The following ITPRID1 variants were observed in gnomAD, a reference collection of about 807,000 sequenced individuals.
The protein encoded by ITPRID1 is ITPR interacting domain containing 1.
Under a neutral mutation model 95.4 loss-of-function variants are expected in ITPRID1, and 96 were observed. The ratio of observed to expected loss-of-function variants is 1.01; its 90% CI spans 0.85 to 1.19. The LOEUF is 1.19. Among genes scored for constraint, ITPRID1 ranks in the 50% most tolerant of loss-of-function variants. The pLI, the probability that ITPRID1 is intolerant of heterozygous loss-of-function variation, is 0.00. For missense variants in ITPRID1, 1,339 were observed against 1,252.9 expected, an observed-to-expected ratio of 1.07 and a Z score of -1.04; for synonymous variants, 510 against 453.6, an observed-to-expected ratio of 1.12 and a Z score of -1.58.
At chr7:31,658,329 T>C, downstream of ITPRID1, 1 of 1,523,328 alleles carries the variant, frequency 6.6e-7, no homozygotes, top group Non-Finnish European at 8.8e-7. Context: ...CAAATAACTC[T>C]GCTAAAGATG....
At position 31,519,620 on chromosome 7, in the gene ITPRID1, C is replaced by CTATATATATATATATATATATATATA. The variant is rs750544823; in HGVS notation, c.-98+5501_-98+5526dup. Among the ~76,000 whole-genome samples, 21 of 25,244 alleles carry CTATATATATATATATATATATATATA rather than the reference C, an allele frequency of 8.3e-4. 1 individual carries two copies. Among genetic ancestry groups the CTATATATATATATATATATATATATA allele is most frequent in the Admixed American group, 1.2e-3 (2 of 1,700 alleles). The allele number at this position is 25,244 out of a possible 152,430, so 16.6% of individuals were successfully genotyped here. ...TCTCTCTCTCTCTCTCTCTCTCTCT[C>CTATATATATATATATATATATATATA]TATATATATATATATATATATATAT... is the stretch of plus-strand genomic sequence containing the variant. On this transcript the variant is annotated intron_variant, in intron 1 of 14. Transcript: ENST00000615280.
chr7:31,574,502 C>T lies in ITPRID1; in HGVS notation c.396-38C>T, dbSNP rs1583517565. 1.9e-6 allele frequency: 3 copies of T among 1,583,928 alleles called. No homozygotes were observed. The East Asian group carries it at 6.7e-5, about 36-fold the overall frequency. ...CCAGAAAAAAATGGTGTTGGGTTAA[C>T]TGTTTCTGGATAAAGATATTCATAT... On this transcript the variant is annotated intron_variant, in intron 7 of 14. Transcript: ENST00000615280.
chr7:31,577,772 A>C, intron 8 of ITPRID1, 91 bp from the exon 9 acceptor site: 1 of 1,079,032 alleles, frequency 9.3e-7, no homozygotes, highest in African/African-American at 1.6e-5. Flanking sequence ...TGAAAATTTC[A>C]TGTTAACGGA....
chr7:31,637,357 T>C (rs1464286867), intron 10 of ITPRID1, among the ~76,000 whole-genome samples: 1 of 152,124 alleles, frequency 6.6e-6, no homozygotes, highest in African/African-American at 2.4e-5. Context: ...CCACCAACAG[T>C]GTAAAAGTGT....
At chr7:31,553,654 T>G (rs1037504957) in intron 3 of ITPRID1, among the ~76,000 whole-genome samples, 2 of 152,226 alleles carry the variant, frequency 1.3e-5, no homozygotes, top group African/African-American at 4.8e-5. Flanking sequence ...TTTTTCTTCT[T>G]TGCCCATTGC....
chr7:31,603,941 T>TA (rs1437715370), intron 10 of ITPRID1, among the ~76,000 whole-genome samples: 2 of 152,246 alleles, frequency 1.3e-5, no homozygotes, highest in Admixed American at 6.5e-5. Flanking sequence ...TCCCTAGACA[T>TA]ACTCCTCCTT....
At chr7:31,599,060 G>A (rs1432341054) in intron 10 of ITPRID1, among the ~76,000 whole-genome samples, 1 of 152,128 alleles carries the variant, frequency 6.6e-6, no homozygotes, top group African/African-American at 2.4e-5. Flanking sequence ...TCAGCTTTTA[G>A]TATATATCCT....
At chr7:31,561,320 G>A (rs1784616229) in intron 5 of ITPRID1, among the ~76,000 whole-genome samples, 1 of 152,164 alleles carries the variant, frequency 6.6e-6, no homozygotes, top group Non-Finnish European at 1.5e-5. Context: ...CAGGTGTGAT[G>A]GGAATGATTG....
rs1791195588 is a variant in ITPRID1, at chr7:31,654,459, A to G, written c.*1630A>G. On this transcript the variant is annotated 3_prime_UTR_variant, in exon 15 of 15. Coordinates refer to ENST00000615280, the MANE Select transcript of ITPRID1 (RefSeq NM_001257967.3). ...TGGAAAGCCACTGTGGGTTTTAAGC[A>G]GGGTCGTCATATAATCTGATTTACG... Among the ~76,000 whole-genome samples, 1 of 152,138 alleles carries G rather than the reference A, an allele frequency of 6.6e-6. No individual in the cohort carries two copies. The highest frequency in any genetic ancestry group is 1.5e-5 in the Non-Finnish European group (1 of 68,020).
chr7:31,570,108 T>C (rs1285758385), intron 6 of ITPRID1, among the ~76,000 whole-genome samples: 1 of 152,226 alleles, frequency 6.6e-6, no homozygotes, highest in East Asian at 1.9e-4. Flanking sequence ...TAAGGACCTG[T>C]TTATAAAACA....
In ITPRID1 at chr7:31,652,777, C is replaced by A. The variant is rs142016406; in HGVS notation, c.3083C>A (p.Thr1028Asn). Residue 1028 changes from threonine to asparagine, a missense_variant, in exon 15 of 15, where the codon ACC becomes AAC. Thr to Asn is a moderately conservative substitution (Grantham distance 65). Coordinates refer to ENST00000615280, the MANE Select transcript of ITPRID1 (RefSeq NM_001257967.3). ...SSSAWAKLGP[T>N]PLSNCPVGEK... ...TCAGCTTGGGCAAAGTTAGGTCCAA[C>A]CCCTTTGTCAAATTGTCCTGTTGGA... 46 of 1,613,874 alleles carry A rather than the reference C, an allele frequency of 2.9e-5. No individual in the cohort carries two copies. In the African/African-American group the frequency reaches 5.7e-4, roughly 20 times the overall value.
chr7:31,549,315 C>A, intron 1 of ITPRID1, 111 bp from the exon 2 acceptor site: 2 of 654,028 alleles, frequency 3.1e-6, no homozygotes, highest in Non-Finnish European at 4.6e-6. Context: ...CTCAATCATC[C>A]AAACTAAGTA....
rs1784335575 is a variant in ITPRID1 at position 31,553,084 on chromosome 7, G to A, written c.60G>A (p.Lys20=). The A allele has an allele frequency of 3.7e-6, 6 of 1,607,702 alleles. No homozygotes were observed. Among genetic ancestry groups the A allele is most frequent in the Non-Finnish European group, 5.1e-6 (6 of 1,176,984 alleles). The change falls in exon 3 of 15, where the codon AAG becomes AAA. Residue 20 remains lysine, a synonymous_variant. Coordinates refer to ENST00000615280, the MANE Select transcript of ITPRID1 (RefSeq NM_001257967.3). ...DNLQEGQEKS[K]REILKCTKSA... is the part of the protein sequence containing the mutation. ...TTCAGGAAGGCCAGGAAAAGAGCAA[G>A]AGAGAGATCCTGAAGTGCACCAAAA...
Position 31,620,980 on chromosome 7 carries a change from T to C in ITPRID1, c.1229-21196T>C, listed in dbSNP as rs373750096. 3.7e-3 allele frequency among the ~76,000 whole-genome samples: 570 copies of C among 152,012 alleles called. 8 individuals are homozygous for C. The East Asian group carries it at 0.074, about 20-fold the overall frequency. On this transcript the variant is annotated intron_variant, in intron 10 of 14. Transcript: ENST00000615280. ...AGAATGCAGAAGCCTCAGGAGCCAA[T>C]GCGATCAACTGGAAGAAAGGGTATC... is the stretch of plus-strand genomic sequence containing the variant.
intron 1 of ITPRID1, among the ~76,000 whole-genome samples, chr7:31,541,696 T>G (rs1003802487): frequency 6.6e-6 from 1 of 152,182 alleles, no homozygotes; most frequent in Non-Finnish European, 1.5e-5. Context: ...TATGATTATA[T>G]AACAAGCCAA....
intron 10 of ITPRID1, among the ~76,000 whole-genome samples, chr7:31,588,449 G>A (rs749628751): frequency 4.0e-5 from 6 of 151,540 alleles, no homozygotes; most frequent in South Asian, 2.1e-4. Flanking sequence ...TGGCCAATAC[G>A]GTGAAACTCT....
intron 5 of ITPRID1, among the ~76,000 whole-genome samples, chr7:31,565,987 C>T (rs1261211192): frequency 6.6e-6 from 1 of 152,150 alleles, no homozygotes; most frequent in Non-Finnish European, 1.5e-5. Context: ...TTTGCACATT[C>T]CCTAGCAAAC....
intron 5 of ITPRID1, among the ~76,000 whole-genome samples, chr7:31,556,596 G>A (rs1201757455): frequency 6.6e-6 from 1 of 152,070 alleles, no homozygotes; most frequent in Admixed American, 6.5e-5. Flanking sequence ...GAGACACATT[G>A]AGAATGGTGG....
At chr7:31,524,885 G>A (rs1167352715) in intron 1 of ITPRID1, among the ~76,000 whole-genome samples, 1 of 152,136 alleles carries the variant, frequency 6.6e-6, no homozygotes, top group African/African-American at 2.4e-5. Context: ...CTAGAAGAGT[G>A]CTAGCTCAGA....
Sources: gnomAD v4.1 joint callset for allele counts (sites outside exome capture counted in the v4.1 genomes callset) on GRCh38, gnomAD v4.1.1 for gene constraint, MANE v1.5 for transcripts, NCBI Gene and HGNC (gene_info 2026-07-23, HGNC 2026-07-21) for gene names.